Variants in PPIH observed in about 807,000 individuals in gnomAD.
PPIH encodes peptidyl-prolyl cis-trans isomerase H.
PPIH carries 16 observed loss-of-function variants against 27.6 expected under a neutral mutation model. That is an observed-to-expected ratio of 0.58 (90% confidence interval 0.39 to 0.88). The LOEUF (loss-of-function observed/expected upper bound fraction) is 0.88. Ranked by LOEUF, PPIH falls within the 40% of genes least tolerant of loss-of-function variation. The pLI is 0.00. For missense variants in PPIH, 155 were observed against 224.1 expected (o/e 0.69, Z 1.97); for synonymous variants, 63 against 76.1 (o/e 0.83, Z 0.90).
intron 9 of PPIH, among the ~76,000 whole-genome samples, chr1:42,670,507 G>T (rs1023063775): frequency 1.3e-4 from 20 of 152,030 alleles, no homozygotes; most frequent in African/African-American, 4.8e-4. Context: ...CTGAGGGTGG[G>T]GATCATCAAC....
chr1:42,660,998 A>G, intron 5 of PPIH, 94 bp downstream of exon 5: 3 of 1,176,154 alleles, frequency 2.6e-6, no homozygotes, highest in South Asian at 2.6e-5. Flanking sequence ...CCCAGTCTTC[A>G]GGCTTGAGAA....
chr1:42,673,275 G>A (rs545034655), intron 9 of PPIH, among the ~76,000 whole-genome samples: 31 of 152,244 alleles, frequency 2.0e-4, no homozygotes, highest in African/African-American at 6.3e-4. Flanking sequence ...ATGAACCACC[G>A]TGCCCAGCCC....
downstream of PPIH, among the ~76,000 whole-genome samples, chr1:42,680,814 C>A (rs1649997659): frequency 6.6e-6 from 1 of 152,126 alleles, no homozygotes; most frequent in Non-Finnish European, 1.5e-5. Context: ...TTTTCAAGCT[C>A]CAAACCTGAG....
At position 42,667,395 on chromosome 1, in the gene PPIH, G is replaced by A. The variant is rs757079723; in HGVS notation, c.510G>A (p.Val170=). ...GPNNKPKLPV[V]ISQCGEM is the part of the protein sequence containing the mutation. The stretch of plus-strand genomic sequence containing the variant: ...ACAATAAGCCCAAGCTACCTGTGGT[G>A]ATCTCGCAGTGTGGGGAGATGTAGT... The change falls in exon 9 of 10, where the codon GTG becomes GTA. Residue 170 remains valine (V), a synonymous_variant. Coordinates refer to ENST00000304979, the MANE Select transcript of PPIH (RefSeq NM_006347.4). 1.2e-6 allele frequency: 2 copies of A among 1,608,628 alleles called. No individual in the cohort carries two copies. The highest frequency in any genetic ancestry group is 2.2e-5 in the East Asian group (1 of 44,856).
downstream of PPIH, chr1:42,681,647 GAATTA>G (rs1168829211): frequency 3.9e-5 from 6 of 152,164 alleles, no homozygotes; most frequent in African/African-American, 1.4e-4. Context: ...AATGTGAGTT[GAATTA>G]AATCTGATTT....
rs756690056 is a variant in PPIH, at chr1:42,660,854, T to C, written c.201-8T>C. 6 of 1,596,616 alleles carry C rather than the reference T, an allele frequency of 3.8e-6. No individual in the cohort carries two copies. The highest frequency in any genetic ancestry group is 5.1e-6 in the Non-Finnish European group (6 of 1,172,122). On this transcript the variant is annotated splice_polypyrimidine_tract_variant and splice_region_variant and intron_variant, in intron 4 of 9. Coordinates refer to ENST00000304979, the MANE Select transcript of PPIH (RefSeq NM_006347.4). ...AATCTTCTCAGTATTCTTTGCTCTCTGTTTCAGGGTCATAAAGGATTTCAT... is the reference window on the plus strand; with the variant it reads ...AATCTTCTCAGTATTCTTTGCTCTCCGTTTCAGGGTCATAAAGGATTTCAT...
chr1:42,678,034 CAA>C (rs1557524009), downstream of PPIH, among the ~76,000 whole-genome samples: 1 of 152,130 alleles, frequency 6.6e-6, no homozygotes, highest in Non-Finnish European at 1.5e-5. Flanking sequence ...TATCAGATGA[CAA>C]GAGATGGTGA....
At chr1:42,678,411 T>C (rs1041478393), downstream of PPIH, among the ~76,000 whole-genome samples, 1 of 152,182 alleles carries the variant, frequency 6.6e-6, no homozygotes, top group African/African-American at 2.4e-5. Flanking sequence ...TTTTTGTTTT[T>C]CGTTTTGAGA....
At chr1:42,661,760 G>A (rs564552992) in intron 5 of PPIH, among the ~76,000 whole-genome samples, 1 of 152,250 alleles carries the variant, frequency 6.6e-6, no homozygotes, top group South Asian at 2.1e-4. Flanking sequence ...GTTGCAGAGT[G>A]GCAGGTTTTA....
rs753122583 is a variant in PPIH at position 42,660,969 on chromosome 1, G to C, written c.243+65G>C. ...AGTTTTTGTTGTTATTGTTGCAATT[G>C]CTGTTTTTACTACAGAGACCCAGTC... On this transcript the variant is annotated intron_variant, in intron 5 of 9. Coordinates refer to ENST00000304979, the MANE Select transcript of PPIH (RefSeq NM_006347.4). The C allele has an allele frequency of 7.5e-6, 11 of 1,462,580 alleles. No individual in the cohort carries two copies. In the South Asian group the frequency reaches 8.1e-5, roughly 11 times the overall value. 90.6% of individuals were successfully genotyped at this position (1,462,580 alleles called of 1,614,324 possible).
chr1:42,664,834 TC>T (rs1395578101), intron 5 of PPIH, 28 bp from the exon 6 acceptor site: 1 of 1,576,416 alleles, frequency 6.3e-7, no homozygotes, highest in East Asian at 2.3e-5. Context: ...ACACTCCAAG[TC>T]ACTAATACTT....
intron 6 of PPIH, 130 bp downstream of exon 6, chr1:42,665,085 A>C: frequency 1.4e-6 from 1 of 735,038 alleles, no homozygotes; most frequent in Non-Finnish European, 2.3e-6. Flanking sequence ...ACTCACCTTT[A>C]CCACCTCCTT....
chr1:42,672,961 G>A (rs1392638691), intron 9 of PPIH, among the ~76,000 whole-genome samples: 1 of 151,166 alleles, frequency 6.6e-6, no homozygotes, highest in Non-Finnish European at 1.5e-5. Context: ...TACAACTTTA[G>A]TTATAGAAAC....
chr1:42,663,889 C>T (rs11801769), intron 5 of PPIH, among the ~76,000 whole-genome samples: 7,732 of 152,140 alleles, frequency 0.051, 292 homozygotes, highest in African/African-American at 0.098. Flanking sequence ...TACTAACTGG[C>T]GAGGAGAGCT....
chr1:42,665,142 G>A (rs1031189513), intron 6 of PPIH, among the ~76,000 whole-genome samples, 187 bp downstream of exon 6: 6 of 152,112 alleles, frequency 3.9e-5, no homozygotes, highest in African/African-American at 9.7e-5. Context: ...GCTGGCTCAC[G>A]CCTGTAATCC....
rs371691239 is a variant in PPIH, at chr1:42,658,451, C to T, written c.5C>T (p.Ala2Val). The T allele has an allele frequency of 6.2e-7, 1 of 1,613,890 alleles. No individual in the cohort carries two copies. The highest frequency in any genetic ancestry group is 1.1e-5 in the South Asian group (1 of 91,084). Residue 2 changes from alanine to valine, a missense_variant, in exon 1 of 10, where the codon GCG (alanine) becomes GTG (valine). By Grantham distance (64) the Ala-to-Val change is moderately conservative (BLOSUM62 0). Coordinates refer to ENST00000304979, the MANE Select transcript of PPIH (RefSeq NM_006347.4). ...TTCTGCTTCCGGGTCGGAGCCATGG[C>T]GGTGGCAAATTCAAGTCCTGTTAAC... M[A>V]VANSSPVNPV... is the part of the protein sequence containing the mutation.
intron 4 of PPIH, 82 bp downstream of exon 4, chr1:42,659,648 G>C (rs1324874817): frequency 6.5e-7 from 1 of 1,533,438 alleles, no homozygotes. Flanking sequence ...AATAAAACCA[G>C]AGGGTAATTC....
intron 9 of PPIH, among the ~76,000 whole-genome samples, chr1:42,669,894 T>A (rs186066909): frequency 4.7e-4 from 72 of 152,358 alleles, no homozygotes; most frequent in Non-Finnish European, 8.2e-4. Flanking sequence ...CATCTATAAT[T>A]AATTTTTCTG....
At position 42,666,042 on chromosome 1, in the gene PPIH, G is replaced by A. The variant is rs762036528; in HGVS notation, c.399G>A (p.Trp133Ter). The stretch of plus-strand genomic sequence containing the variant: ...TTATCACCTGCTCTAAGTGCGATTG[G>A]CTGGATGGGAAGCATGTGGTGTTTG... ...QFFITCSKCD[W>*]LDGKHVVFGK... is the part of the protein sequence containing the mutation. The change falls in exon 7 of 10, where the codon TGG becomes TGA. Residue 133 changes from tryptophan to a stop codon, truncating the protein, a stop_gained. Coordinates refer to ENST00000304979, the MANE Select transcript of PPIH (RefSeq NM_006347.4). LOFTEE classifies it high-confidence loss of function. 1.2e-6 allele frequency: 2 copies of A among 1,614,180 alleles called. No individual in the cohort carries two copies. The highest frequency in any genetic ancestry group is 3.3e-5 in the Admixed American group (2 of 60,026).
Sources: allele counts gnomAD v4.1 joint callset (sites outside exome capture counted in the v4.1 genomes callset), GRCh38; gene constraint gnomAD v4.1.1; transcripts MANE v1.5; gene names NCBI Gene and HGNC (gene_info 2026-07-23, HGNC 2026-07-21).